The following SORBS2 variants were observed in gnomAD, a reference collection of about 807,000 sequenced individuals.
SORBS2 encodes the protein sorbin and SH3 domain-containing protein 2.
A neutral mutation model predicts 97.7 loss-of-function variants in SORBS2; 46 were observed. The ratio of observed to expected loss-of-function variants is 0.47; its 90% confidence interval spans 0.37 to 0.60. The LOEUF is 0.60. Ranked by LOEUF, SORBS2 falls within the 20% of genes least tolerant of loss-of-function variation. The pLI is 0.00. For synonymous variants in SORBS2, 476 were observed against 473.4 expected, an observed-to-expected ratio of 1.01 and a Z score of -0.07; for missense variants, 1,316 against 1,282.3, an observed-to-expected ratio of 1.03 and a Z score of -0.40.
chr4:185,673,458 TA>T (rs1419389601), intron 4 of SORBS2, among the ~76,000 whole-genome samples: 1 of 151,954 alleles, frequency 6.6e-6, no homozygotes, highest in Non-Finnish European at 1.5e-5. Flanking sequence ...TACCTACCAG[TA>T]AAAAAAATGA....
chr4:185,719,435 G>T (rs4862565), intron 2 of SORBS2, among the ~76,000 whole-genome samples: 122,024 of 152,176 alleles, frequency 0.8, 49,654 homozygotes, highest in Non-Finnish European at 0.89. Context: ...TATCAGTTTT[G>T]TGACATATAG....
At chr4:185,835,790 C>A (rs1427097340) in intron 1 of SORBS2, among the ~76,000 whole-genome samples, 1 of 151,716 alleles carries the variant, frequency 6.6e-6, no homozygotes, top group Non-Finnish European at 1.5e-5. Context: ...TTGAAAACCT[C>A]CCTTGAAGGT....
chr4:185,885,853 G>A (rs1462433156), intron 1 of SORBS2, among the ~76,000 whole-genome samples: 2 of 152,076 alleles, frequency 1.3e-5, no homozygotes, highest in Non-Finnish European at 2.9e-5. Context: ...ATACGAATTC[G>A]GTCTTATTCA....
At chr4:185,690,524 GC>G in intron 2 of SORBS2, 37 bp downstream of exon 4, 3 of 1,422,340 alleles carry the variant, frequency 2.1e-6, no homozygotes, top group Non-Finnish European at 2.9e-6. Context: ...TTTTTAGAGA[GC>G]AAGGCTAAAA....
At chr4:185,844,640 C>A (rs2099213507) in intron 1 of SORBS2, among the ~76,000 whole-genome samples, 2 of 152,138 alleles carry the variant, frequency 1.3e-5, no homozygotes, top group Non-Finnish European at 2.9e-5. Context: ...GATCTTCAAA[C>A]AAAACTTGTA....
intron 1 of SORBS2, among the ~76,000 whole-genome samples, chr4:185,841,520 T>C (rs531982359): frequency 7.1e-4 from 108 of 152,234 alleles, no homozygotes; most frequent in African/African-American, 2.5e-3. Flanking sequence ...GCCAGCAGGA[T>C]CTCATGTTAG....
chr4:185,953,040 C>T (rs1369553339), intron 1 of SORBS2, among the ~76,000 whole-genome samples: 1 of 152,224 alleles, frequency 6.6e-6, no homozygotes, highest in African/African-American at 2.4e-5. Context: ...CCAGGCCGGG[C>T]GCGGTGGCTC....
intron 1 of SORBS2, among the ~76,000 whole-genome samples, chr4:185,885,592 A>T (rs2099239001): frequency 6.6e-6 from 1 of 152,232 alleles, no homozygotes; most frequent in African/African-American, 2.4e-5. Flanking sequence ...CTAACTACAC[A>T]TATAAACTCA....
In SORBS2 at chr4:185,623,714, C is replaced by A; in HGVS notation, c.1415G>T (p.Arg472Leu). 1.2e-6 allele frequency: 2 copies of A among 1,613,858 alleles called. No individual in the cohort carries two copies. Among genetic ancestry groups the A allele is most frequent in the Middle Eastern group, 1.6e-4 (1 of 6,062 alleles). Residue 472 changes from arginine (R) to leucine (L), a missense_variant, in exon 7 of 15, where the codon CGG (arginine) becomes CTG (leucine). Coordinates refer to ENST00000418609, the Ensembl canonical transcript of SORBS2. This position sits in a 1 kb window ranked among gnomAD's most constrained non-coding sequence, Gnocchi z 6.4. ...CAGGGCGTTAGACTGGCAGCCTCGC[C>A]GGCCCCGAGCGGGGGGGCCGCTTTG...
intron 1 of SORBS2, among the ~76,000 whole-genome samples, chr4:185,869,068 A>T (rs2099228937): frequency 6.6e-6 from 1 of 152,150 alleles, no homozygotes; most frequent in South Asian, 2.1e-4. Context: ...ACTGACCAGA[A>T]CTCTGCCTAG....
chr4:185,670,843 G>A (rs899926712), intron 4 of SORBS2, among the ~76,000 whole-genome samples: 1 of 152,136 alleles, frequency 6.6e-6, no homozygotes, highest in Non-Finnish European at 1.5e-5. Flanking sequence ...AGCTGATTAG[G>A]AAGGGGGAGT....
exon 15 of SORBS2, chr4:185,585,756 T>G (rs1462757892): frequency 6.6e-6 from 1 of 152,242 alleles, no homozygotes; most frequent in Admixed American, 6.5e-5. Flanking sequence ...CAAAGCTGCA[T>G]GCAGTTGACT....
chr4:185,610,916 A>G (rs2096527779), intron 12 of SORBS2, among the ~76,000 whole-genome samples: 1 of 152,196 alleles, frequency 6.6e-6, no homozygotes, highest in African/African-American at 2.4e-5. Context: ...GTTAATGAGA[A>G]AAAAGACCCT....
chr4:185,751,645 A>ATG (rs111538779), intron 2 of SORBS2, among the ~76,000 whole-genome samples: 7 of 152,150 alleles, frequency 4.6e-5, no homozygotes, highest in African/African-American at 1.7e-4. Context: ...CAGAGACAGA[A>ATG]TGTGTGTGTG....
intron 2 of SORBS2, among the ~76,000 whole-genome samples, chr4:185,717,992 A>T (rs7694063): frequency 1.3e-5 from 2 of 152,182 alleles, no homozygotes; most frequent in African/African-American, 4.8e-5. Context: ...TGCAACCCCG[A>T]CACTTTGGGA....
intron 11 of SORBS2, among the ~76,000 whole-genome samples, chr4:185,612,643 C>T (rs2096559659): frequency 6.6e-6 from 1 of 151,964 alleles, no homozygotes; most frequent in Admixed American, 6.6e-5. Context: ...CGCCCGCCAC[C>T]AGGCCCGGCT....
At chr4:185,889,763 G>C (rs780417368) in intron 1 of SORBS2, among the ~76,000 whole-genome samples, 8 of 152,034 alleles carry the variant, frequency 5.3e-5, no homozygotes, top group Non-Finnish European at 8.8e-5. Flanking sequence ...TTACTCCATT[G>C]GATATAATGA....
intron 1 of SORBS2, among the ~76,000 whole-genome samples, chr4:185,868,149 T>TTTTTC (rs2099228138): frequency 1.3e-5 from 1 of 78,868 alleles, no homozygotes; most frequent in African/African-American, 5.4e-5. Flanking sequence ...TTTCTTTTCT[T>TTTTTC]TTTTTCTTTC....
intron 12 of SORBS2, among the ~76,000 whole-genome samples, chr4:185,608,956 G>A (rs1293108770): frequency 1.3e-5 from 2 of 151,898 alleles, no homozygotes; most frequent in African/African-American, 4.8e-5. Flanking sequence ...TTTGACTCCT[G>A]TGTCCTATAG....
Sources: gnomAD v4.1 joint callset for allele counts (sites outside exome capture counted in the v4.1 genomes callset) on GRCh38, gnomAD v4.1.1 for gene constraint, Gnocchi (gnomAD v3.1) non-coding constraint, MANE v1.5 for transcripts, NCBI Gene and HGNC (gene_info 2026-07-23, HGNC 2026-07-21) for gene names.